Variants in MTA3 observed in about 807,000 individuals in gnomAD.
The protein encoded by MTA3 is metastasis associated 1 family member 3.
A neutral mutation model predicts 83.5 loss-of-function variants in MTA3; 34 were observed. The ratio of observed to expected loss-of-function variants is 0.41; its 90% CI spans 0.31 to 0.54. The LOEUF (loss-of-function observed/expected upper bound fraction) is 0.54. MTA3 is among the 20% of genes least tolerant of loss of function. The pLI, the probability that MTA3 is intolerant of heterozygous loss-of-function variation, is 0.33. For missense variants in MTA3, 761 were observed against 726.4 expected, an observed-to-expected ratio of 1.05 and a Z score of -0.55; for synonymous variants, 303 against 252.7, an observed-to-expected ratio of 1.20 and a Z score of -1.89.
chr2:42,566,504 C>G (rs1677916334), upstream of MTA3, among the ~76,000 whole-genome samples: 1 of 152,090 alleles, frequency 6.6e-6, no homozygotes, highest in South Asian at 2.1e-4. Context: ...AAAAACGGTT[C>G]TAAGGCCTGC....
intron 2 of MTA3, among the ~76,000 whole-genome samples, chr2:42,560,188 A>G (rs1267875646): frequency 6.6e-6 from 1 of 151,894 alleles, no homozygotes; most frequent in Non-Finnish European, 1.5e-5. Context: ...ACGCCCGGCT[A>G]ATTTTGTATT....
chr2:42,569,954 AT>A (rs777013022), intron 1 of MTA3: 560 of 137,312 alleles, frequency 4.1e-3, no homozygotes, highest in Middle Eastern at 7.2e-3. Context: ...TGCTCATCTG[AT>A]TTTTTTTTTT....
intron 3 of MTA3, among the ~76,000 whole-genome samples, chr2:42,585,476 CTT>C (rs35808147): frequency 2.8e-4 from 33 of 118,988 alleles, no homozygotes; most frequent in Middle Eastern, 5.1e-3. Context: ...TCTTTCTTTT[CTT>C]TTTTTTTTTT....
chr2:42,738,396 A>T (rs1455652491), intron 16 of MTA3, among the ~76,000 whole-genome samples: 1 of 152,220 alleles, frequency 6.6e-6, no homozygotes, highest in East Asian at 1.9e-4. Context: ...CAGTCTCTAA[A>T]CATAAATTGT....
rs146068877 is a variant in MTA3 at position 42,654,748 on chromosome 2, A to G, written c.500-1452A>G. 6.3e-4 allele frequency among the ~76,000 whole-genome samples: 96 copies of G among 152,218 alleles called. 1 individual carries two copies. Among genetic ancestry groups the G allele is most frequent in the African/African-American group, 2.1e-3 (86 of 41,536 alleles). On this transcript the variant is annotated intron_variant, in intron 6 of 16. Transcript: ENST00000405094. The stretch of plus-strand genomic sequence containing the variant: ...TTCCACCTCAGCTTCCTGAGTAGTT[A>G]TAACTACAGGCATATGCCACAACAC...
chr2:42,527,866 G>A (rs1367196542), intron 2 of MTA3, among the ~76,000 whole-genome samples: 2 of 151,104 alleles, frequency 1.3e-5, no homozygotes, highest in Admixed American at 6.6e-5. Flanking sequence ...CTCGAACATA[G>A]TAAGGGTTTT....
At chr2:42,703,961 A>G (rs1010893076) in intron 11 of MTA3, 9 of 410,552 alleles carry the variant, frequency 2.2e-5, no homozygotes, top group African/African-American at 1.6e-4. Context: ...ATGGGACAGT[A>G]TTTACTTCGT....
chr2:42,553,558 A>G (rs1388492673), intron 2 of MTA3, among the ~76,000 whole-genome samples: 2 of 151,370 alleles, frequency 1.3e-5, no homozygotes, highest in East Asian at 3.9e-4. Context: ...CAACATGGAG[A>G]AACCCCGTCT....
intron 2 of MTA3, among the ~76,000 whole-genome samples, chr2:42,555,324 G>A (rs1320029396): frequency 2.0e-5 from 3 of 148,988 alleles, no homozygotes; most frequent in African/African-American, 2.5e-5. Context: ...GCATGGTGGT[G>A]CATGCCTGTA....
chr2:42,541,286 C>A (rs1676507900), intron 2 of MTA3, among the ~76,000 whole-genome samples: 1 of 152,204 alleles, frequency 6.6e-6, no homozygotes, highest in African/African-American at 2.4e-5. Context: ...CCGCCTCGGC[C>A]TCCCAGAGTG....
At chr2:42,627,134 T>A (rs1384579922) in intron 4 of MTA3, among the ~76,000 whole-genome samples, 1 of 152,174 alleles carries the variant, frequency 6.6e-6, no homozygotes, top group Admixed American at 6.5e-5. Flanking sequence ...TGGAGTGCAG[T>A]GGCACGATTC....
At chr2:42,575,117 G>A (rs761477597) in intron 2 of MTA3, among the ~76,000 whole-genome samples, 8 of 152,184 alleles carry the variant, frequency 5.3e-5, no homozygotes, top group Non-Finnish European at 8.8e-5. Flanking sequence ...TTCGCTGAAA[G>A]CAGGTGGGAG....
intron 4 of MTA3, among the ~76,000 whole-genome samples, chr2:42,636,204 CT>C (rs1421153577): frequency 6.6e-6 from 1 of 152,096 alleles, no homozygotes; most frequent in Non-Finnish European, 1.5e-5. Context: ...GATATCTGCA[CT>C]TTTCTAAGTG....
At chr2:42,538,626 T>C (rs1021080825) in intron 2 of MTA3, among the ~76,000 whole-genome samples, 1 of 150,454 alleles carries the variant, frequency 6.6e-6, no homozygotes, top group Non-Finnish European at 1.5e-5. Flanking sequence ...GAGACTCACT[T>C]GAACCTGGGA....
intron 2 of MTA3, among the ~76,000 whole-genome samples, chr2:42,507,188 A>G (rs544295648): frequency 2.1e-3 from 326 of 152,250 alleles, no homozygotes; most frequent in African/African-American, 7.6e-3. Flanking sequence ...GGCGTGAGCC[A>G]CTGGTGATGG....
intron 16 of MTA3, among the ~76,000 whole-genome samples, chr2:42,743,175 C>G (rs970901875): frequency 5.9e-5 from 9 of 152,184 alleles, no homozygotes; most frequent in Admixed American, 2.0e-4. Flanking sequence ...GCCTCTCATC[C>G]TGTCCTGACC....
intron 2 of MTA3, among the ~76,000 whole-genome samples, chr2:42,571,669 C>T (rs984268694): frequency 1.6e-4 from 24 of 152,054 alleles, no homozygotes; most frequent in African/African-American, 4.1e-4. Context: ...ATTGGCTGGG[C>T]GGGTGCGGTG....
chr2:42,721,324 C>G lies in MTA3; in HGVS notation c.1613-1565C>G, dbSNP rs570798740. ...AGGAAGGACTGTTCTTTTTCTTTTT[C>G]TTTTTCTTTTTTTTTTTTTTTGAGA... On this transcript the variant is annotated intron_variant, in intron 15 of 16. Transcript: ENST00000405094. Among the ~76,000 whole-genome samples, 6 of 148,692 alleles carry G rather than the reference C, an allele frequency of 4.0e-5. No homozygotes were observed. The East Asian group carries it at 1.2e-3, about 29-fold the overall frequency.
intron 6 of MTA3, among the ~76,000 whole-genome samples, chr2:42,651,416 T>G (rs1360986297): frequency 1.3e-5 from 2 of 152,164 alleles, no homozygotes; most frequent in Non-Finnish European, 2.9e-5. Context: ...TAAAAACACT[T>G]AAATATAAAC....
Sources: allele counts gnomAD v4.1 joint callset (sites outside exome capture counted in the v4.1 genomes callset), GRCh38; gene constraint gnomAD v4.1.1; transcripts MANE v1.5; gene names NCBI Gene and HGNC (gene_info 2026-07-23, HGNC 2026-07-21).